Variants in STK3 observed in about 807,000 individuals in gnomAD.
STK3 encodes serine/threonine kinase 3.
In STK3, 41 loss-of-function variants were observed where a neutral mutation model predicts 58.0. The ratio of observed to expected loss-of-function variants is 0.71; its 90% confidence interval spans 0.55 to 0.92. The LOEUF is 0.92. Ranked by LOEUF, STK3 falls within the 40% of genes least tolerant of loss-of-function variation. STK3 has a pLI of 0.00. For synonymous variants in STK3, 170 were observed against 191.0 expected, an observed-to-expected ratio of 0.89 and a Z score of 0.91; for missense variants, 479 against 602.7, an observed-to-expected ratio of 0.79 and a Z score of 2.15.
chr8:98,672,707 T>C (rs1347964750), intron 6 of STK3, among the ~76,000 whole-genome samples: 1 of 152,190 alleles, frequency 6.6e-6, no homozygotes, highest in Non-Finnish European at 1.5e-5. Context: ...AGCAAAGCCA[T>C]ATAATTTAAG....
At chr8:98,805,327 C>T (rs1833828539) in intron 1 of STK3, among the ~76,000 whole-genome samples, 1 of 152,144 alleles carries the variant, frequency 6.6e-6, no homozygotes, top group Non-Finnish European at 1.5e-5. Context: ...CGCCTGTAAT[C>T]CCAGCACTTT....
chr8:98,840,472 T>G (rs886891855), intron 3 of STK3, among the ~76,000 whole-genome samples: 17 of 146,546 alleles, frequency 1.2e-4, no homozygotes, highest in Non-Finnish European at 1.5e-5. Context: ...CTCAGGAGAC[T>G]AAGGCAGGAG....
chr8:98,347,320 C>T, the STK3 span, among the ~76,000 whole-genome samples: 2 of 151,852 alleles, frequency 1.3e-5, no homozygotes, highest in African/African-American at 2.4e-5. Flanking sequence ...CAAGACCATC[C>T]TGCCTAACAC....
chr8:98,638,076 G>T, intron 6 of STK3, among the ~76,000 whole-genome samples: 1 of 151,554 alleles, frequency 6.6e-6, no homozygotes, highest in Non-Finnish European at 1.5e-5. Context: ...ATTTTTTTTG[G>T]CTAAGAAATT....
intron 1 of STK3, among the ~76,000 whole-genome samples, chr8:98,808,652 C>T (rs562195933): frequency 6.6e-6 from 1 of 152,180 alleles, no homozygotes; most frequent in South Asian, 2.1e-4. Flanking sequence ...TATCCATTTC[C>T]CAAACTTTTT....
At chr8:98,551,896 A>G (rs1276900176) in intron 8 of STK3, among the ~76,000 whole-genome samples, 1 of 152,148 alleles carries the variant, frequency 6.6e-6, no homozygotes, top group African/African-American at 2.4e-5. Flanking sequence ...AAGGACCTTT[A>G]CAGTTAGAGA....
intron 4 of STK3, among the ~76,000 whole-genome samples, chr8:98,709,500 C>T (rs2131088621): frequency 6.6e-6 from 1 of 152,238 alleles, no homozygotes; most frequent in South Asian, 2.1e-4. Context: ...TACCACAAAA[C>T]AACTAAGACC....
intron 6 of STK3, among the ~76,000 whole-genome samples, chr8:98,651,114 T>A (rs1209140512): frequency 6.6e-6 from 1 of 152,224 alleles, no homozygotes; most frequent in East Asian, 1.9e-4. Context: ...GACTGACACC[T>A]CACACGGCCG....
intron 10 of STK3, among the ~76,000 whole-genome samples, chr8:98,503,046 G>T (rs1823748584): frequency 6.6e-6 from 1 of 152,040 alleles, no homozygotes; most frequent in Non-Finnish European, 1.5e-5. Context: ...ACTTTTTTTG[G>T]TTGGTAGGCT....
intron 10 of STK3, among the ~76,000 whole-genome samples, chr8:98,511,308 G>T (rs577791930): frequency 6.6e-6 from 1 of 151,898 alleles, no homozygotes; most frequent in East Asian, 1.9e-4. Context: ...AACAATGTAA[G>T]ATACTGAATC....
At chr8:98,518,381 G>A (rs1160407557) in intron 10 of STK3, among the ~76,000 whole-genome samples, 1 of 152,048 alleles carries the variant, frequency 6.6e-6, no homozygotes, top group East Asian at 1.9e-4. Flanking sequence ...AGCACCATTA[G>A]GAATAAGAAA....
chr8:98,545,170 C>A (rs760610563), intron 9 of STK3, among the ~76,000 whole-genome samples: 9 of 152,160 alleles, frequency 5.9e-5, no homozygotes, highest in African/African-American at 9.7e-5. Context: ...GAATGACAAC[C>A]AACCTGCTTT....
At position 98,646,668 on chromosome 8, in the gene STK3, C is replaced by T. The variant is rs534854400; in HGVS notation, c.685-50499G>A. Among the ~76,000 whole-genome samples, 3 of 152,302 alleles carry T rather than the reference C, an allele frequency of 2.0e-5. No homozygotes were observed. In the East Asian group the frequency reaches 5.8e-4, roughly 29 times the overall value. The stretch of plus-strand genomic sequence containing the variant: ...TCTCCCTCTGTCCCTCTCAATTGTT[C>T]TGTCACTCTTTACCTCCTGCTTTTT... On this transcript the variant is annotated intron_variant, in intron 6 of 10. Coordinates refer to ENST00000419617, the MANE Select transcript of STK3 (RefSeq NM_006281.4).
chr8:98,749,281 T>G lies in STK3; in HGVS notation c.346A>C (p.Lys116Gln). The change falls in exon 4 of 11, where the codon AAG becomes CAG. Residue 116 changes from lysine (K) to glutamine (Q), a missense_variant. Coordinates refer to ENST00000419617, the MANE Select transcript of STK3 (RefSeq NM_006281.4). ...SVSDIIRLRN[K>Q]TLIEDEIATI... The stretch of plus-strand genomic sequence containing the variant: ...AACAATTTTAAAATACTTACTGTCT[T>G]GTTTCGTAATCTAATTATGTCTGAG... 1 of 1,598,178 alleles carries G rather than the reference T, an allele frequency of 6.3e-7. No individual in the cohort carries two copies. Among genetic ancestry groups the G allele is most frequent in the Non-Finnish European group, 8.5e-7 (1 of 1,169,662 alleles).
At chr8:98,667,349 T>C (rs1184198433) in intron 6 of STK3, among the ~76,000 whole-genome samples, 1 of 152,150 alleles carries the variant, frequency 6.6e-6, no homozygotes, top group African/African-American at 2.4e-5. Context: ...ACTAGCAGTG[T>C]TGCCGGGGGA....
intron 3 of STK3, among the ~76,000 whole-genome samples, chr8:98,861,574 C>A (rs1017623506): frequency 1.3e-5 from 2 of 152,036 alleles, no homozygotes; most frequent in African/African-American, 4.8e-5. Context: ...TCTCGAACTC[C>A]TGAGCTTGGG....
chr8:98,418,568 A>G (rs1484238848), intron 3 of STK3, among the ~76,000 whole-genome samples: 1 of 152,146 alleles, frequency 6.6e-6, no homozygotes, highest in Non-Finnish European at 1.5e-5. Flanking sequence ...AGCAGCTGTG[A>G]GCACCTCTGA....
At chr8:98,833,174 T>C (rs189962126) in intron 3 of STK3, among the ~76,000 whole-genome samples, 1 of 152,250 alleles carries the variant, frequency 6.6e-6, no homozygotes, top group East Asian at 1.9e-4. Context: ...ATAAAGTTTA[T>C]ATTGGTGTGG....
chr8:98,653,983 T>G (rs547274408), intron 6 of STK3, among the ~76,000 whole-genome samples: 51 of 152,338 alleles, frequency 3.3e-4, no homozygotes, highest in Admixed American at 1.8e-3. Flanking sequence ...ACTCATTTTA[T>G]GAGGCCAGCA....
Sources: gnomAD v4.1 joint callset for allele counts (sites outside exome capture counted in the v4.1 genomes callset) on GRCh38, gnomAD v4.1.1 for gene constraint, MANE v1.5 for transcripts, NCBI Gene and HGNC (gene_info 2026-07-23, HGNC 2026-07-21) for gene names.